The following ERGIC2 variants were observed in gnomAD, a reference collection of about 807,000 sequenced individuals.
ERGIC2 encodes ERGIC and golgi 2.
In ERGIC2, 31 loss-of-function variants were observed where a neutral mutation model predicts 52.5. The ratio of observed to expected loss-of-function variants is 0.59; its 90% CI spans 0.44 to 0.80. The LOEUF is 0.80. Among genes scored for constraint, ERGIC2 ranks in the 30% least tolerant of loss-of-function variants. The pLI is 0.00. For synonymous variants in ERGIC2, 129 were observed against 140.6 expected (o/e 0.92, Z 0.58); for missense variants, 395 against 455.2 (o/e 0.87, Z 1.20).
At chr12:29,358,940 G>C (rs1011571916) in intron 6 of ERGIC2, among the ~76,000 whole-genome samples, 5 of 152,022 alleles carry the variant, frequency 3.3e-5, no homozygotes, top group African/African-American at 1.2e-4. Context: ...GACATAAAAA[G>C]TAGAAACCAG....
In ERGIC2 at chr12:29,366,837, C is replaced by G. The variant is rs780532827; in HGVS notation, c.333+40G>C. The G allele has an allele frequency of 3.1e-6, 4 of 1,287,754 alleles. No homozygotes were observed. In the South Asian group the frequency reaches 5.2e-5, roughly 17 times the overall value. 79.8% of individuals were successfully genotyped at this position (1,287,754 alleles called of 1,614,324 possible). On this transcript the variant is annotated intron_variant, in intron 5 of 13. Transcript: ENST00000360150. The stretch of plus-strand genomic sequence containing the variant: ...ATCTGTCTTCAAGCGTACGATTCCT[C>G]AACCCGTGTATTTCAAAAAACCATG...
At chr12:29,353,733 T>C (rs927900188) in intron 8 of ERGIC2, among the ~76,000 whole-genome samples, 1 of 152,084 alleles carries the variant, frequency 6.6e-6, no homozygotes, top group Admixed American at 6.6e-5. Context: ...TTCCTTCTTT[T>C]TTTTTTTGTT....
chr12:29,357,646 A>G lies in ERGIC2; in HGVS notation c.453T>C (p.Ser151=). The G allele has an allele frequency of 6.3e-7, 1 of 1,591,404 alleles. No individual in the cohort carries two copies. The highest frequency in any genetic ancestry group is 8.6e-7 in the Non-Finnish European group (1 of 1,160,094). The change falls in exon 7 of 14, where the codon AGT becomes AGC. Residue 151 remains serine, a synonymous_variant. Transcript: ENST00000360150. Reference sequence around the variant, plus strand: ...ACCTTGGTGGAAGAGCTGTTGATGTACTTTTAAAAGCACTTTTAAATATCA... The same window carrying G: ...ACCTTGGTGGAAGAGCTGTTGATGTGCTTTTAAAAGCACTTTTAAATATCA... The part of the protein sequence containing the change: ...QDVIFKSAFK[S]TSTALPPRED...
At chr12:29,347,715 G>A (rs1940073885) in intron 10 of ERGIC2, among the ~76,000 whole-genome samples, 1 of 152,044 alleles carries the variant, frequency 6.6e-6, no homozygotes, top group Admixed American at 6.6e-5. Context: ...TGACATAGCA[G>A]ATATGTAATG....
intron 13 of ERGIC2, 89 bp downstream of exon 13, chr12:29,341,645 T>C: frequency 1.4e-6 from 1 of 731,356 alleles, no homozygotes. Flanking sequence ...AGTCTTGGGA[T>C]TACAGGTGTG....
chr12:29,361,616 T>C (rs1940287774), intron 6 of ERGIC2, 29 bp downstream of exon 6: 2 of 1,552,534 alleles, frequency 1.3e-6, no homozygotes, highest in Non-Finnish European at 8.8e-7. Context: ...TAGATTTCTA[T>C]GGACCACAAT....
chr12:29,357,804 G>T (rs1182567111), intron 6 of ERGIC2, 80 bp from the exon 7 acceptor site: 2 of 805,618 alleles, frequency 2.5e-6, no homozygotes, highest in Non-Finnish European at 4.3e-6. Context: ...ACAATGTTTA[G>T]CTGACTTAGT....
chr12:29,371,393 A>G, intron 2 of ERGIC2, 135 bp downstream of exon 2: 1 of 574,418 alleles, frequency 1.7e-6, no homozygotes. Flanking sequence ...GAGTGGCATG[A>G]AGACAGACAA....
At chr12:29,351,185 G>T (rs1003342824) in intron 8 of ERGIC2, among the ~76,000 whole-genome samples, 1 of 151,986 alleles carries the variant, frequency 6.6e-6, no homozygotes, top group Non-Finnish European at 1.5e-5. Context: ...TTTAGGTTCA[G>T]GAGAGCAAAT....
At chr12:29,357,331 A>T (rs935315642) in intron 7 of ERGIC2, among the ~76,000 whole-genome samples, 2 of 152,194 alleles carry the variant, frequency 1.3e-5, no homozygotes, top group African/African-American at 4.8e-5. Flanking sequence ...CAAAGCTTAT[A>T]TATCCTCAAA....
At chr12:29,373,894 G>A (rs1240375118) in intron 1 of ERGIC2, among the ~76,000 whole-genome samples, 2 of 152,114 alleles carry the variant, frequency 1.3e-5, no homozygotes, top group East Asian at 1.9e-4. Flanking sequence ...TGCCATGCCC[G>A]CTAAACTTGT....
At chr12:29,357,279 T>A (rs991419664) in intron 7 of ERGIC2, among the ~76,000 whole-genome samples, 20 of 152,270 alleles carry the variant, frequency 1.3e-4, no homozygotes, top group Admixed American at 5.2e-4. Flanking sequence ...CTCTAATCTT[T>A]AATTAAAATA....
intron 6 of ERGIC2, among the ~76,000 whole-genome samples, chr12:29,360,375 A>C (rs927432710): frequency 6.6e-6 from 1 of 151,344 alleles, no homozygotes; most frequent in Non-Finnish European, 1.5e-5. Context: ...CATAAAATAG[A>C]CCATTATATA....
At chr12:29,343,053 T>C in intron 12 of ERGIC2, 67 bp downstream of exon 12, 3 of 1,369,552 alleles carry the variant, frequency 2.2e-6, no homozygotes, top group Non-Finnish European at 3.0e-6. Context: ...CTTGCCCCTT[T>C]GAGAAGAAGC....
chr12:29,347,561 C>T (rs1045595580), intron 10 of ERGIC2, among the ~76,000 whole-genome samples: 1 of 151,958 alleles, frequency 6.6e-6, no homozygotes, highest in African/African-American at 2.4e-5. Flanking sequence ...ACCTAAAGAT[C>T]TAATTCCCTA....
chr12:29,367,375 CAACA>C (rs1433147058), intron 4 of ERGIC2, among the ~76,000 whole-genome samples: 1 of 151,606 alleles, frequency 6.6e-6, no homozygotes, highest in Admixed American at 6.6e-5. Context: ...TGCTACAAAT[CAACA>C]AATAGGAAAT....
rs527412944 is a variant in ERGIC2, at chr12:29,339,209, A to T, written c.*1947T>A. 2.0e-5 allele frequency: 3 copies of T among 152,336 alleles called. No homozygotes were observed. The highest frequency in any genetic ancestry group is 4.4e-5 in the Non-Finnish European group (3 of 68,024). The allele number at this position is 152,336 out of a possible 1,614,324, so 9.4% of individuals were successfully genotyped here. A position where few individuals can be genotyped will look rare whatever the true frequency, so the allele number is the denominator to read the frequency against. ...CTTTCATAGGAGATAAATTTCATTAAAATTTTAATATGGTATTTGGAAAAT... is the reference window on the plus strand; with the variant it reads ...CTTTCATAGGAGATAAATTTCATTATAATTTTAATATGGTATTTGGAAAAT... On this transcript the variant is annotated 3_prime_UTR_variant, in exon 14 of 14. Coordinates refer to ENST00000360150, the MANE Select transcript of ERGIC2 (RefSeq NM_016570.3).
At chr12:29,363,820 G>T (rs927971246) in intron 5 of ERGIC2, among the ~76,000 whole-genome samples, 23 of 142,496 alleles carry the variant, frequency 1.6e-4, no homozygotes, top group African/African-American at 5.8e-4. Flanking sequence ...ATAGCATCAG[G>T]CATCTCATAA....
At chr12:29,350,300 T>A (rs1214166592) in intron 8 of ERGIC2, among the ~76,000 whole-genome samples, 1 of 152,118 alleles carries the variant, frequency 6.6e-6, no homozygotes, top group East Asian at 1.9e-4. Flanking sequence ...ACTTTAGGCT[T>A]TGTGGACCAT....
Sources: allele counts gnomAD v4.1 joint callset (sites outside exome capture counted in the v4.1 genomes callset), GRCh38; gene constraint gnomAD v4.1.1; transcripts MANE v1.5; gene names NCBI Gene and HGNC (gene_info 2026-07-23, HGNC 2026-07-21).